The following GRAMD1B variants were observed in gnomAD, a reference collection of about 807,000 sequenced individuals.
The protein encoded by GRAMD1B is GRAM domain containing 1B, also known as protein Aster-B.
A neutral mutation model predicts 99.7 loss-of-function variants in GRAMD1B; 37 were observed. The ratio of observed to expected loss-of-function variants is 0.37; its 90% CI spans 0.29 to 0.49. GRAMD1B has a LOEUF of 0.49. Among genes scored for constraint, GRAMD1B ranks in the 20% least tolerant of loss-of-function variants. The pLI, the probability that GRAMD1B is intolerant of heterozygous loss-of-function variation, is 0.98. For synonymous variants in GRAMD1B, 427 were observed against 387.6 expected, an observed-to-expected ratio of 1.10 and a Z score of -1.19; for missense variants, 888 against 1,009.2, an observed-to-expected ratio of 0.88 and a Z score of 1.63.
chr11:123,519,010 T>C (rs1026935997), intron 2 of GRAMD1B, among the ~76,000 whole-genome samples: 10 of 152,214 alleles, frequency 6.6e-5, no homozygotes, highest in African/African-American at 2.4e-4. Flanking sequence ...TGAAGCATTC[T>C]TGAAGCAAAC....
At chr11:123,556,426 G>A (rs1035989500) in intron 2 of GRAMD1B, among the ~76,000 whole-genome samples, 2 of 152,158 alleles carry the variant, frequency 1.3e-5, no homozygotes, top group African/African-American at 4.8e-5. Flanking sequence ...ATACTATGTA[G>A]ACACTGACCC....
chr11:123,516,504 A>G (rs147429317), intron 2 of GRAMD1B, among the ~76,000 whole-genome samples: 2 of 152,338 alleles, frequency 1.3e-5, no homozygotes, highest in Non-Finnish European at 2.9e-5. Flanking sequence ...CTATTTCTGG[A>G]CACCTCTCAT....
intron 2 of GRAMD1B, among the ~76,000 whole-genome samples, chr11:123,524,036 G>A (rs1413370105): frequency 1.3e-5 from 2 of 152,132 alleles, no homozygotes; most frequent in African/African-American, 4.8e-5. Flanking sequence ...GTGGAATCAG[G>A]TCACAAAAGG....
In GRAMD1B at chr11:123,591,256, C is replaced by G. The variant is rs1373350159; in HGVS notation, c.685-2826C>G. ...AGAAAGGACACCTGTCAGAGTCACA[C>G]AGGCCCTCTGCTGAGAAACCAGAGG... On this transcript the variant is annotated intron_variant, in intron 4 of 19. Transcript: ENST00000635736. The surrounding 1 kb of genome is among the most constrained non-coding windows in gnomAD (Gnocchi z 4.7). 1 of 396,276 alleles carries G rather than the reference C, an allele frequency of 2.5e-6. No individual in the cohort carries two copies. The highest frequency in any genetic ancestry group is 2.1e-5 in the African/African-American group (1 of 48,596). The allele number at this position is 396,276 out of a possible 1,614,324, so 24.5% of individuals were successfully genotyped here.
chr11:123,606,745 A>T lies in GRAMD1B; in HGVS notation c.1460A>T (p.Asp487Val). The T allele has an allele frequency of 6.2e-7, 1 of 1,613,790 alleles. No individual in the cohort carries two copies. Among genetic ancestry groups the T allele is most frequent in the South Asian group, 1.1e-5 (1 of 91,006 alleles). ...AACTCCCCTTCACTGGACTTCAATG[A>T]CAATGAGGACATCCCCACTGAGCTC... is the stretch of plus-strand genomic sequence containing the variant. ...PVNSPSLDFNDNEDIPTELSD... is the reference protein window; with the variant it reads ...PVNSPSLDFNVNEDIPTELSD... Residue 487 changes from aspartate (D) to valine (V), a missense_variant, in exon 11 of 20, where the codon GAC becomes GTC. Transcript: ENST00000635736.
chr11:123,516,125 C>A (rs1002780991), intron 2 of GRAMD1B, among the ~76,000 whole-genome samples: 1 of 152,182 alleles, frequency 6.6e-6, no homozygotes. Flanking sequence ...CAATTCATTA[C>A]CAATCCATGT....
intron 8 of GRAMD1B, among the ~76,000 whole-genome samples, chr11:123,601,376 C>A (rs1951940484): frequency 6.8e-6 from 1 of 147,890 alleles, no homozygotes; most frequent in Admixed American, 6.8e-5. Context: ...CAGAGCAAGA[C>A]CCTGTTTCAA....
At chr11:123,485,471 G>A (rs773798478) in intron 2 of GRAMD1B, among the ~76,000 whole-genome samples, 163 of 152,190 alleles carry the variant, frequency 1.1e-3, no homozygotes, top group Non-Finnish European at 2.0e-3. Context: ...TCACATTGAC[G>A]CTCTGTCCTG....
chr11:123,433,832 C>A (rs576231061), intron 1 of GRAMD1B, among the ~76,000 whole-genome samples: 3 of 113,110 alleles, frequency 2.7e-5, no homozygotes, highest in African/African-American at 8.8e-5. Context: ...TGTAGTGGAA[C>A]CTTCATTTTG....
chr11:123,514,433 A>C (rs1941472804), intron 2 of GRAMD1B, among the ~76,000 whole-genome samples: 1 of 152,202 alleles, frequency 6.6e-6, no homozygotes. Flanking sequence ...TGAGTTCACC[A>C]TCAATACGCT....
intron 4 of GRAMD1B, among the ~76,000 whole-genome samples, chr11:123,590,838 G>A (rs183136140): frequency 7.9e-5 from 12 of 152,272 alleles, no homozygotes; most frequent in Admixed American, 3.3e-4. Flanking sequence ...CTGGGGAGCT[G>A]GGCATTCGGT....
At chr11:123,534,706 TA>T (rs917812402) in intron 2 of GRAMD1B, among the ~76,000 whole-genome samples, 13 of 150,694 alleles carry the variant, frequency 8.6e-5, no homozygotes, top group Middle Eastern at 3.4e-3. Flanking sequence ...CTACTAAAAA[TA>T]AAAAAAAATT....
At chr11:123,552,893 C>G (rs1246614838) in intron 2 of GRAMD1B, among the ~76,000 whole-genome samples, 1 of 152,118 alleles carries the variant, frequency 6.6e-6, no homozygotes, top group Non-Finnish European at 1.5e-5. Flanking sequence ...AATTATTAAA[C>G]AAGAGGAAGG....
At position 123,526,053 on chromosome 11, in the gene GRAMD1B, T is replaced by C; in HGVS notation, c.452+45160T>C. On this transcript the variant is annotated intron_variant, in intron 2 of 19. Coordinates refer to ENST00000635736, the MANE Select transcript of GRAMD1B (RefSeq NM_001387025.1). ...TCACATTACATGGGATTCTGTTCTT[T>C]TGGGACTTCGTCATCTTTTCCAATA... 3.8e-6 allele frequency: 4 copies of C among 1,048,638 alleles called. No homozygotes were observed. The South Asian group carries it at 4.0e-5, about 10-fold the overall frequency. 65.0% of individuals were successfully genotyped at this position (1,048,638 alleles called of 1,614,324 possible).
rs1565526871 is a variant in GRAMD1B, at chr11:123,470,516, T to TC, written c.375-10300_375-10299insC. On this transcript the variant is annotated intron_variant, in intron 1 of 19. Transcript: ENST00000635736. ...CATTTTTCTTTCTTTCTTTCTTTTTTTTTTTTTTTTTTTTTGAGGCGGGGT... is the reference window on the plus strand; with the variant it reads ...CATTTTTCTTTCTTTCTTTCTTTTTTCTTTTTTTTTTTTTTTGAGGCGGGGT... Among the ~76,000 whole-genome samples, 192 of 141,646 alleles carry TC rather than the reference T, an allele frequency of 1.4e-3. 1 individual carries two copies. Among genetic ancestry groups the TC allele is most frequent in the African/African-American group, 5.0e-3 (182 of 36,238 alleles). 92.9% of individuals were successfully genotyped at this position (141,646 alleles called of 152,430 possible).
At chr11:123,423,758 C>T (rs1187079357) in intron 1 of GRAMD1B, among the ~76,000 whole-genome samples, 1 of 152,152 alleles carries the variant, frequency 6.6e-6, no homozygotes, top group Non-Finnish European at 1.5e-5. Context: ...CAAAGAGACC[C>T]TTGTTTAAAT....
intron 1 of GRAMD1B, among the ~76,000 whole-genome samples, chr11:123,422,994 C>A (rs1948507140): frequency 6.6e-6 from 1 of 152,132 alleles, no homozygotes; most frequent in East Asian, 1.9e-4. Context: ...CTTTGATAGG[C>A]ATTCAAAAAA....
Position 123,591,122 on chromosome 11 carries a change from G to T in GRAMD1B, c.685-2960G>T, listed in dbSNP as rs2136483419. The stretch of plus-strand genomic sequence containing the variant: ...TCTCTGCCCGTGGACCAGCCGAGAA[G>T]AAAGCAGAGCCCGCCATGGGAGACT... On this transcript the variant is annotated intron_variant, in intron 4 of 19. Coordinates refer to ENST00000635736, the MANE Select transcript of GRAMD1B (RefSeq NM_001387025.1). This position sits in a 1 kb window ranked among gnomAD's most constrained non-coding sequence, Gnocchi z 4.7. The T allele has an allele frequency of 3.5e-6, 1 of 288,154 alleles. No individual in the cohort carries two copies. Among genetic ancestry groups the T allele is most frequent in the South Asian group, 1.7e-4 (1 of 6,010 alleles). 17.8% of individuals were successfully genotyped at this position (288,154 alleles called of 1,614,324 possible).
At chr11:123,498,162 A>G (rs979877129) in intron 2 of GRAMD1B, among the ~76,000 whole-genome samples, 2 of 152,210 alleles carry the variant, frequency 1.3e-5, no homozygotes, top group Admixed American at 6.5e-5. Flanking sequence ...GAGCAGGTCC[A>G]GAAATGCTGA....
Sources: allele counts gnomAD v4.1 joint callset (sites outside exome capture counted in the v4.1 genomes callset), GRCh38; gene constraint gnomAD v4.1.1; non-coding constraint Gnocchi (gnomAD v3.1); transcripts MANE v1.5; gene names NCBI Gene and HGNC (gene_info 2026-07-23, HGNC 2026-07-21).